DIP2C: variants seen among roughly 807,000 people sequenced by gnomAD.
DIP2C encodes the protein disco-interacting protein 2 homolog C.
DIP2C carries 33 observed loss-of-function variants against 192.4 expected under a neutral mutation model. The observed-to-expected ratio is 0.17, with a 90% confidence interval of 0.13 to 0.23. The LOEUF (loss-of-function observed/expected upper bound fraction) is 0.23. DIP2C is among the 10% of genes least tolerant of loss of function. DIP2C has a pLI of 1.00. For synonymous variants in DIP2C, 979 were observed against 864.1 expected (o/e 1.13, Z -2.33); for missense variants, 1,537 against 2,110.1 (o/e 0.73, Z 5.32).
chr10:548,486 G>A (rs1284043793), intron 1 of DIP2C, among the ~76,000 whole-genome samples: 10 of 149,868 alleles, frequency 6.7e-5, no homozygotes, highest in African/African-American at 2.0e-4. Context: ...CAGGCAGTGA[G>A]GCCAGAGGTG....
intron 33 of DIP2C, 39 bp downstream of exon 33, chr10:288,325 A>C: frequency 5.0e-6 from 8 of 1,595,854 alleles, no homozygotes; most frequent in Non-Finnish European, 6.0e-6. Flanking sequence ...TCAGAAGCGA[A>C]CGGATACAGA....
intron 3 of DIP2C, among the ~76,000 whole-genome samples, chr10:470,897 T>C (rs1050032080): frequency 6.6e-6 from 1 of 152,166 alleles, no homozygotes; most frequent in African/African-American, 2.4e-5. Context: ...GAACTCAGCC[T>C]GCGTGCATGT....
intron 34 of DIP2C, among the ~76,000 whole-genome samples, chr10:284,585 G>A (rs983248559): frequency 6.6e-6 from 1 of 152,158 alleles, no homozygotes; most frequent in Non-Finnish European, 1.5e-5. Context: ...GGTTAGCCGG[G>A]ACTTCAGAGT....
chr10:418,932 C>T (rs1413264918), intron 6 of DIP2C, 133 bp downstream of exon 6: 15 of 1,372,586 alleles, frequency 1.1e-5, no homozygotes, highest in Middle Eastern at 2.7e-4. Flanking sequence ...GAGAGGCTCC[C>T]GAAGATCTGA....
chr10:580,712 A>G lies in DIP2C; in HGVS notation c.86-94182T>C, dbSNP rs114991985. On this transcript the variant is annotated intron_variant, in intron 1 of 36. Coordinates refer to ENST00000280886, the MANE Select transcript of DIP2C (RefSeq NM_014974.3). ...GGCCATGAATATTAACGCTGCAGAA[A>G]GGCTTCCAGTTCCACATAATTTTTT... Among the ~76,000 whole-genome samples, 1,427 of 152,310 alleles carry G rather than the reference A, an allele frequency of 9.4e-3. 30 individuals carry two copies. The highest frequency in any genetic ancestry group is 0.033 in the African/African-American group (1,365 of 41,552).
intron 31 of DIP2C, among the ~76,000 whole-genome samples, chr10:321,388 A>G (rs538876256): frequency 4.6e-5 from 7 of 152,348 alleles, no homozygotes; most frequent in Admixed American, 3.3e-4. Flanking sequence ...ACACATCCTA[A>G]GCCCTGCTGC....
At chr10:484,817 T>C (rs567277602) in intron 2 of DIP2C, 4 of 1,611,256 alleles carry the variant, frequency 2.5e-6, no homozygotes, top group African/African-American at 2.7e-5. Context: ...TTCCCTGCGG[T>C]GCTGGCCACC....
intron 1 of DIP2C, among the ~76,000 whole-genome samples, chr10:524,062 G>A (rs113108074): frequency 4.6e-5 from 7 of 151,478 alleles, no homozygotes; most frequent in African/African-American, 1.5e-4. Flanking sequence ...TCCACCTCCC[G>A]CCCTCAGTTC....
chr10:556,630 A>G (rs79432854), intron 1 of DIP2C, among the ~76,000 whole-genome samples: 3,084 of 151,756 alleles, frequency 0.02, 108 homozygotes, highest in African/African-American at 0.071. Flanking sequence ...CTTTCCCTCC[A>G]CAATGTTGCC....
At chr10:448,564 A>C (rs1483629981) in intron 3 of DIP2C, among the ~76,000 whole-genome samples, 1 of 117,928 alleles carries the variant, frequency 8.5e-6, no homozygotes, top group Non-Finnish European at 1.7e-5. Context: ...GGACCCGCTC[A>C]CTCCCGTTGA....
At chr10:568,540 G>C (rs1849575094) in intron 1 of DIP2C, among the ~76,000 whole-genome samples, 1 of 151,924 alleles carries the variant, frequency 6.6e-6, no homozygotes, top group Non-Finnish European at 1.5e-5. Flanking sequence ...GGCCGAGACG[G>C]GCGGATCATG....
chr10:277,634 C>A, intron 36 of DIP2C, 57 bp from the exon 37 acceptor site: 1 of 1,587,398 alleles, frequency 6.3e-7, no homozygotes, highest in South Asian at 1.2e-5. Context: ...TATTTAATAG[C>A]CGTGGTTTCA....
intron 2 of DIP2C, among the ~76,000 whole-genome samples, chr10:486,231 C>T (rs1245768041): frequency 6.6e-6 from 1 of 152,250 alleles, no homozygotes; most frequent in African/African-American, 2.4e-5. Context: ...CCGATCTCTA[C>T]TTATAGAGAA....
chr10:551,528 G>A (rs1848586396), intron 1 of DIP2C, among the ~76,000 whole-genome samples: 1 of 152,170 alleles, frequency 6.6e-6, no homozygotes. Context: ...GAGGAAGGAG[G>A]CCTCGGTGCA....
intron 8 of DIP2C, among the ~76,000 whole-genome samples, chr10:413,220 A>G (rs1192955742): frequency 6.6e-6 from 1 of 152,228 alleles, no homozygotes; most frequent in East Asian, 1.9e-4. Context: ...ATCCACAGAA[A>G]AAAGAGAAAC....
rs115894082 is a variant in DIP2C at position 283,200 on chromosome 10, G to C, written c.4294+72C>G. ...TTTGGCTGCTGTAAACCTTGGGAAA[G>C]GCTTCTGTATCTACAGGAGCCTAAC... On this transcript the variant is annotated intron_variant, in intron 35 of 36. Coordinates refer to ENST00000280886, the MANE Select transcript of DIP2C (RefSeq NM_014974.3). 11 of 1,542,814 alleles carry C rather than the reference G, an allele frequency of 7.1e-6. No homozygotes were observed. In the African/African-American group the frequency reaches 1.4e-4, roughly 19 times the overall value.
intron 1 of DIP2C, among the ~76,000 whole-genome samples, chr10:686,247 C>A (rs1831329959): frequency 6.6e-6 from 1 of 152,184 alleles, no homozygotes; most frequent in South Asian, 2.1e-4. Context: ...GGCCTCCCCA[C>A]CCTCATGGCC....
intron 17 of DIP2C, among the ~76,000 whole-genome samples, chr10:372,458 TTG>T (rs1219982817): frequency 2.0e-5 from 3 of 152,238 alleles, no homozygotes; most frequent in Non-Finnish European, 4.4e-5. Context: ...AGATTACAAA[TTG>T]TGTTTGCTAT....
At chr10:431,199 A>G (rs1407944591) in intron 4 of DIP2C, among the ~76,000 whole-genome samples, 1 of 152,088 alleles carries the variant, frequency 6.6e-6, no homozygotes, top group Non-Finnish European at 1.5e-5. Context: ...TGAGTCTTTC[A>G]TCTCTCCAAA....
Sources: gnomAD v4.1 joint callset for allele counts (sites outside exome capture counted in the v4.1 genomes callset) on GRCh38, gnomAD v4.1.1 for gene constraint, MANE v1.5 for transcripts, NCBI Gene and HGNC (gene_info 2026-07-23, HGNC 2026-07-21) for gene names.